Variants in OPA1 observed in about 807,000 individuals in gnomAD.
OPA1 encodes OPA1 mitochondrial dynamin like GTPase, also known as dynamin-like GTPase OPA1, mitochondrial.
A neutral mutation model predicts 152.9 loss-of-function variants in OPA1; 59 were observed. The ratio of observed to expected loss-of-function variants is 0.39; its 90% CI spans 0.31 to 0.48. OPA1 has a LOEUF of 0.48. OPA1 is among the 20% of genes least tolerant of loss of function. The pLI, the probability that OPA1 is intolerant of heterozygous loss-of-function variation, is 0.96. For missense variants in OPA1, 1,008 were observed against 1,216.8 expected (o/e 0.83, Z 2.55); for synonymous variants, 400 against 389.9 (o/e 1.03, Z -0.31).
intron 8 of OPA1, among the ~76,000 whole-genome samples, chr3:193,634,565 C>T (rs1402844127): frequency 6.6e-6 from 1 of 151,908 alleles, no homozygotes; most frequent in Admixed American, 6.6e-5. Flanking sequence ...CTACAGGTGC[C>T]CGCCACGACG....
chr3:193,596,383 T>C (rs1432474954), intron 1 of OPA1, among the ~76,000 whole-genome samples: 1 of 86,982 alleles, frequency 1.1e-5, no homozygotes, highest in Non-Finnish European at 2.2e-5. Flanking sequence ...TTCTTTTCTT[T>C]TCTTTTCTGT....
At chr3:193,675,328 A>G (rs1304821586) in intron 29 of OPA1, among the ~76,000 whole-genome samples, 2 of 91,070 alleles carry the variant, frequency 2.2e-5, no homozygotes, top group East Asian at 2.9e-4. Flanking sequence ...TTTTTTTAAG[A>G]AAAAAAAAAA....
At chr3:193,656,949 A>C in intron 22 of OPA1, 131 bp from the exon 23 acceptor site, 2 of 802,122 alleles carry the variant, frequency 2.5e-6, no homozygotes, top group African/African-American at 1.7e-5. Context: ...TTGTTAATGT[A>C]GTTTCACATA....
intron 1 of OPA1, 68 bp from the exon 2 acceptor site, chr3:193,614,655 C>G (rs1728745181): frequency 8.2e-7 from 1 of 1,217,354 alleles, no homozygotes; most frequent in African/African-American, 1.5e-5. Flanking sequence ...GTATATTGCT[C>G]TTTTAATGTC....
chr3:193,616,567 G>T (rs1336331396), intron 3 of OPA1, among the ~76,000 whole-genome samples: 1 of 152,056 alleles, frequency 6.6e-6, no homozygotes, highest in Non-Finnish European at 1.5e-5. Flanking sequence ...GGATACCTTG[G>T]TTATCTCTAC....
intron 1 of OPA1, among the ~76,000 whole-genome samples, chr3:193,610,873 A>C (rs1728124683): frequency 6.6e-6 from 1 of 152,242 alleles, no homozygotes; most frequent in Non-Finnish European, 1.5e-5. Context: ...CTGTTTGCTA[A>C]GACCATCGGA....
rs1728740701 is a variant in OPA1 at position 193,614,631 on chromosome 3, C to CTATG, written c.33-91_33-90insATGT. 4 of 896,310 alleles carry CTATG rather than the reference C, an allele frequency of 4.5e-6. No homozygotes were observed. In the African/African-American group the frequency reaches 4.9e-5, roughly 11 times the overall value. 55.5% of individuals were successfully genotyped at this position (896,310 alleles called of 1,614,324 possible). A position where few individuals can be genotyped will look rare whatever the true frequency, so the allele number is the denominator to read the frequency against. On this transcript the variant is annotated intron_variant, in intron 1 of 30. Transcript: ENST00000361510. ...ACATTGTGGTTAGTCACGTATGGGG[C>CTATG]TGTGTTTCCTTTAGTATATTGCTCT...
intron 29 of OPA1, among the ~76,000 whole-genome samples, chr3:193,677,568 G>A (rs930496859): frequency 1.3e-5 from 2 of 152,130 alleles, no homozygotes; most frequent in African/African-American, 4.8e-5. Context: ...AACGAGATAG[G>A]AAATCTTAAG....
intron 16 of OPA1, 104 bp downstream of exon 16, chr3:193,644,209 T>C: frequency 7.7e-7 from 1 of 1,306,730 alleles, no homozygotes; most frequent in African/African-American, 1.5e-5. Flanking sequence ...AAAAAACACC[T>C]TACAACTAAG....
At chr3:193,685,814 T>C (rs1720862508) in intron 29 of OPA1, among the ~76,000 whole-genome samples, 1 of 152,146 alleles carries the variant, frequency 6.6e-6, no homozygotes, top group Non-Finnish European at 1.5e-5. Context: ...ATTAGAACAA[T>C]ACATTTTAAT....
At chr3:193,624,070 G>A (rs1422063328) in intron 6 of OPA1, 1 of 152,616 alleles carries the variant, frequency 6.6e-6, no homozygotes, top group South Asian at 2.1e-4. Context: ...TCTAATAGAT[G>A]ATTGGAGTAT....
Position 193,595,826 on chromosome 3 carries a change from A to T in OPA1, c.32+2417A>T, listed in dbSNP as rs115872995. 2.8e-3 allele frequency among the ~76,000 whole-genome samples: 431 copies of T among 151,982 alleles called. 1 individual carries two copies. Among genetic ancestry groups the T allele is most frequent in the Non-Finnish European group, 4.9e-3 (334 of 67,984 alleles). ...TTTTTCCTGTCCTTTTTCTTTCTAG[A>T]CATCTCTTAGGAGGATAGTGGTCCT... On this transcript the variant is annotated intron_variant, in intron 1 of 30. Transcript: ENST00000361510.
chr3:193,656,929 A>G, intron 22 of OPA1, 151 bp from the exon 23 acceptor site: 1 of 673,012 alleles, frequency 1.5e-6, no homozygotes, highest in Non-Finnish European at 2.5e-6. Context: ...CATGGTTTAT[A>G]TTTGCCTTTT....
chr3:193,599,263 C>T (rs189095392), intron 1 of OPA1, among the ~76,000 whole-genome samples: 1 of 152,270 alleles, frequency 6.6e-6, no homozygotes, highest in East Asian at 1.9e-4. Flanking sequence ...AAAGTTAAGC[C>T]TCAGCCTTAT....
At chr3:193,692,601 T>G (rs993502049) in intron 30 of OPA1, among the ~76,000 whole-genome samples, 3 of 152,252 alleles carry the variant, frequency 2.0e-5, no homozygotes, top group Admixed American at 2.0e-4. Context: ...GTGTTTTTCC[T>G]ACTTAATTTA....
At chr3:193,655,140 A>C in intron 22 of OPA1, 113 bp downstream of exon 22, 1 of 937,122 alleles carries the variant, frequency 1.1e-6, no homozygotes, top group East Asian at 2.6e-5. Flanking sequence ...AGGTCTTTAT[A>C]TCTCATTTAT....
chr3:193,636,780 C>T (rs1288584695), intron 9 of OPA1, among the ~76,000 whole-genome samples: 3 of 151,934 alleles, frequency 2.0e-5, no homozygotes, highest in Non-Finnish European at 2.9e-5. Context: ...GCTCTCTGTC[C>T]TCTCTCTTTC....
In OPA1 at chr3:193,645,820, A is replaced by G. The variant is rs577748855; in HGVS notation, c.1754+20A>G. On this transcript the variant is annotated intron_variant, in intron 18 of 30. Coordinates refer to ENST00000361510, the MANE Select transcript of OPA1 (RefSeq NM_130837.3). Reference sequence around the variant, plus strand: ...CCTAAAGTAGGTATCTTGTTAAAACATTTAAACATTTTACAGTAAGAGAGT... The same window carrying G: ...CCTAAAGTAGGTATCTTGTTAAAACGTTTAAACATTTTACAGTAAGAGAGT... The G allele has an allele frequency of 1.3e-6, 2 of 1,559,840 alleles. No homozygotes were observed. Among genetic ancestry groups the G allele is most frequent in the South Asian group, 2.2e-5 (2 of 89,498 alleles).
Position 193,598,468 on chromosome 3 carries a change from G to A in OPA1, c.32+5059G>A, listed in dbSNP as rs189403944. Among the ~76,000 whole-genome samples, 194 of 152,236 alleles carry A rather than the reference G, an allele frequency of 1.3e-3. 2 individuals carry two copies. Among genetic ancestry groups the A allele is most frequent in the African/African-American group, 4.5e-3 (185 of 41,530 alleles). ...GTAGTTTTGAGGGCCCTGTTGAGAT[G>A]TGCTTCCAGTTGGGTGTGATTTTCT... On this transcript the variant is annotated intron_variant, in intron 1 of 30. Coordinates refer to ENST00000361510, the MANE Select transcript of OPA1 (RefSeq NM_130837.3).
Sources: gnomAD v4.1 joint callset for allele counts (sites outside exome capture counted in the v4.1 genomes callset) on GRCh38, gnomAD v4.1.1 for gene constraint, MANE v1.5 for transcripts, NCBI Gene and HGNC (gene_info 2026-07-23, HGNC 2026-07-21) for gene names.